Variants in KPNA6 observed in about 807,000 individuals in gnomAD.
KPNA6 encodes importin subunit alpha-7.
Under a neutral mutation model 72.0 loss-of-function variants are expected in KPNA6, and 9 were observed. That is an observed-to-expected ratio of 0.13 (90% CI 0.08 to 0.22). KPNA6 has a LOEUF of 0.22. Among genes scored for constraint, KPNA6 ranks in the 10% least tolerant of loss-of-function variants. The probability of loss-of-function intolerance (pLI) is 1.00; values close to 1 mark genes in which losing one functional copy is unlikely to be tolerated. For missense variants in KPNA6, 374 were observed against 655.7 expected (o/e 0.57, Z 4.69); for synonymous variants, 219 against 242.1 (o/e 0.90, Z 0.89).
intron 3 of KPNA6, 81 bp downstream of exon 3, chr1:32,157,026 A>G (rs992188958): frequency 6.0e-6 from 6 of 995,948 alleles, no homozygotes; most frequent in South Asian, 1.4e-5. Context: ...CACATCATCT[A>G]CCAGCTTTGC....
intron 1 of KPNA6, among the ~76,000 whole-genome samples, chr1:32,145,517 G>T (rs1235399029): frequency 6.6e-6 from 1 of 150,552 alleles, no homozygotes; most frequent in Non-Finnish European, 1.5e-5. Context: ...TAGAGACGGG[G>T]TTTCATCATG....
rs1570019861 is a variant in KPNA6 at position 32,134,517 on chromosome 1, A to G, written c.5-20071A>G. ...TTAGCCAGATGTGGTGCACGCCTAT[A>G]ATCTCAGCTACCTGGGAGGCTGAGG... is the stretch of plus-strand genomic sequence containing the variant. On this transcript the variant is annotated intron_variant, in intron 1 of 13. Transcript: ENST00000373625. Among the ~76,000 whole-genome samples the G allele has an allele frequency of 2.6e-5, 4 of 151,914 alleles. No homozygotes were observed. In the East Asian group the frequency reaches 7.8e-4, roughly 29 times the overall value.
In KPNA6 at chr1:32,174,626, C is replaced by T. The variant is rs184550393; in HGVS notation, c.*3732C>T. 6.6e-6 allele frequency: 1 copy of T among 152,294 alleles called. No homozygotes were observed. The highest frequency in any genetic ancestry group is 2.4e-5 in the African/African-American group (1 of 41,536). The allele number at this position is 152,294 out of a possible 1,614,324, so 9.4% of individuals were successfully genotyped here. A position where few individuals can be genotyped will look rare whatever the true frequency, so the allele number is the denominator to read the frequency against. The stretch of plus-strand genomic sequence containing the variant: ...GGTATCCATCATCTTGAGCATTCTT[C>T]AGTAGATTCATCTAGGGTTCAGATT... On this transcript the variant is annotated 3_prime_UTR_variant, in exon 14 of 14. Transcript: ENST00000373625.
At chr1:32,146,826 T>C (rs962019551) in intron 1 of KPNA6, among the ~76,000 whole-genome samples, 2 of 152,154 alleles carry the variant, frequency 1.3e-5, no homozygotes, top group African/African-American at 2.4e-5. Context: ...ACTGTGTCCT[T>C]TCATTTCAAC....
At chr1:32,159,301 T>TA (rs1642196785) in intron 5 of KPNA6, 99 bp from the exon 6 acceptor site, 1 of 1,341,928 alleles carries the variant, frequency 7.5e-7, no homozygotes. Flanking sequence ...TTTGGTTTTT[T>TA]AAATTCATGG....
intron 1 of KPNA6, among the ~76,000 whole-genome samples, chr1:32,137,673 T>C (rs944225563): frequency 1.3e-5 from 2 of 152,320 alleles, no homozygotes; most frequent in South Asian, 4.1e-4. Context: ...CTCAAAGATT[T>C]AATAATCTAG....
At chr1:32,157,199 A>G (rs2052937328) in intron 3 of KPNA6, 147 bp from the exon 4 acceptor site, 2 of 639,734 alleles carry the variant, frequency 3.1e-6, no homozygotes, top group East Asian at 2.7e-5. Flanking sequence ...TGAAGCACCT[A>G]TAGATTAAAC....
intron 1 of KPNA6, among the ~76,000 whole-genome samples, chr1:32,118,970 A>ATGTGTGTG (rs749379355): frequency 3.1e-4 from 40 of 127,338 alleles, no homozygotes; most frequent in East Asian, 2.5e-3. Flanking sequence ...CAAGCCATAT[A>ATGTGTGTG]TATGTGTGTG....
intron 1 of KPNA6, among the ~76,000 whole-genome samples, chr1:32,147,561 G>A (rs779991580): frequency 6.6e-6 from 1 of 151,118 alleles, no homozygotes; most frequent in Non-Finnish European, 1.5e-5. Context: ...TCCTCCCAAA[G>A]TGCTGGGATT....
At position 32,148,620 on chromosome 1, in the gene KPNA6, C is replaced by A. The variant is rs185566657; in HGVS notation, c.5-5968C>A. ...TCGCTTTGTCACCCAGGCTGGAGTG[C>A]GATCTCGGCTCACTGCAACCTCCAC... On this transcript the variant is annotated intron_variant, in intron 1 of 13. Coordinates refer to ENST00000373625, the MANE Select transcript of KPNA6 (RefSeq NM_012316.5). Among the ~76,000 whole-genome samples, 981 of 143,858 alleles carry A rather than the reference C, an allele frequency of 6.8e-3. 12 individuals are homozygous for A. The highest frequency in any genetic ancestry group is 0.025 in the African/African-American group (947 of 38,598). 94.4% of individuals were successfully genotyped at this position (143,858 alleles called of 152,430 possible).
chr1:32,165,016 A>G (rs1215003517), intron 10 of KPNA6, among the ~76,000 whole-genome samples: 1 of 152,054 alleles, frequency 6.6e-6, no homozygotes, highest in Non-Finnish European at 1.5e-5. Flanking sequence ...CTTCCACCTC[A>G]GCCTCCCAAG....
chr1:32,110,262 A>G (rs1301532852), intron 1 of KPNA6, among the ~76,000 whole-genome samples: 1 of 151,568 alleles, frequency 6.6e-6, no homozygotes, highest in Non-Finnish European at 1.5e-5. Context: ...ACAGGGTTTC[A>G]CCATGTTGGC....
chr1:32,159,456 A>G lies in KPNA6; in HGVS notation c.483A>G (p.Lys161=). The G allele has an allele frequency of 6.2e-7, 1 of 1,614,136 alleles. No individual in the cohort carries two copies. Among genetic ancestry groups the G allele is most frequent in the Non-Finnish European group, 8.5e-7 (1 of 1,180,014 alleles). Residue 161 remains lysine (K), a synonymous_variant, in exon 6 of 14, where the codon AAA becomes AAG. Transcript: ENST00000373625. ...NIASGTSQQT[K]IVIEAGAVPI... ...CCTCTGGAACCTCTCAGCAGACCAA[A>G]ATTGTCATTGAAGCAGGGGCTGTCC...
At chr1:32,153,336 C>G (rs1282281206) in intron 1 of KPNA6, among the ~76,000 whole-genome samples, 1 of 151,974 alleles carries the variant, frequency 6.6e-6, no homozygotes, top group African/African-American at 2.4e-5. Context: ...GAGGCCGAGG[C>G]AGGCAGTTCA....
intron 1 of KPNA6, among the ~76,000 whole-genome samples, chr1:32,113,392 A>G (rs1245014607): frequency 6.6e-6 from 1 of 152,168 alleles, no homozygotes; most frequent in Non-Finnish European, 1.5e-5. Flanking sequence ...TCTTGTCTCA[A>G]AAAAACCCCA....
chr1:32,139,183 C>T (rs1458536899), intron 1 of KPNA6, among the ~76,000 whole-genome samples: 2 of 151,940 alleles, frequency 1.3e-5, no homozygotes, highest in Non-Finnish European at 2.9e-5. Context: ...TTGTAGATGC[C>T]GGGGATACAA....
intron 1 of KPNA6, among the ~76,000 whole-genome samples, chr1:32,115,586 C>T (rs766796800): frequency 6.6e-6 from 1 of 152,086 alleles, no homozygotes. Context: ...TGCCACCACA[C>T]TCAGCCAATT....
At chr1:32,169,847 A>G in intron 12 of KPNA6, 35 bp from the exon 13 acceptor site, 1 of 1,597,976 alleles carries the variant, frequency 6.3e-7, no homozygotes, top group Non-Finnish European at 8.6e-7. Flanking sequence ...TGTGTCCTGT[A>G]CTAGTTTAGC....
intron 1 of KPNA6, among the ~76,000 whole-genome samples, chr1:32,153,464 A>G (rs551051246): frequency 6.6e-6 from 1 of 150,854 alleles, no homozygotes; most frequent in Admixed American, 6.6e-5. Context: ...CCAGCTACTC[A>G]GGAGGGTGAG....
Sources: gnomAD v4.1 joint callset for allele counts (sites outside exome capture counted in the v4.1 genomes callset) on GRCh38, gnomAD v4.1.1 for gene constraint, MANE v1.5 for transcripts, NCBI Gene and HGNC (gene_info 2026-07-23, HGNC 2026-07-21) for gene names.